Variants in RMST observed in about 807,000 individuals in gnomAD.
RMST encodes rhabdomyosarcoma 2 associated transcript, also known as long intergenic non-protein coding RNA 54.
rs952398392 is a variant in RMST, at chr12:97,464,642, A to G, written n.585-1026A>G. ...TTTGGCTTTCACACCAGTGGAGATG[A>G]AAAGAGATCTGAACTCATTTATCGG... On this transcript the variant is annotated intron_variant and non_coding_transcript_variant, in intron 4 of 13. Transcript: ENST00000640149. 3.3e-5 allele frequency among the ~76,000 whole-genome samples: 5 copies of G among 152,172 alleles called. 1 individual carries two copies. Among genetic ancestry groups the G allele is most frequent in the African/African-American group, 1.2e-4 (5 of 41,446 alleles).
At chr12:97,505,037 C>T (rs1241740105) in intron 10 of RMST, among the ~76,000 whole-genome samples, 1 of 152,122 alleles carries the variant, frequency 6.6e-6, no homozygotes, top group Non-Finnish European at 1.5e-5. Flanking sequence ...TTTCACTTTG[C>T]TAGTCATGGC....
chr12:97,544,085 A>G (rs1388385347), intron 11 of RMST, among the ~76,000 whole-genome samples: 1 of 152,036 alleles, frequency 6.6e-6, no homozygotes, highest in Non-Finnish European at 1.5e-5. Flanking sequence ...AAAAAGAAAG[A>G]AGAGGAGACT....
rs112873504 is a variant in RMST, at chr12:97,500,355, C to T, written n.1340+4299C>T. On this transcript the variant is annotated intron_variant and non_coding_transcript_variant, in intron 10 of 13. Transcript: ENST00000640149. ...TGAATCAGTCATGGATTTCAGTCCA[C>T]GATTCATGGACTGAAATCAGGAAGC... Among the ~76,000 whole-genome samples, 1,356 of 152,128 alleles carry T rather than the reference C, an allele frequency of 8.9e-3. 17 individuals carry two copies. The highest frequency in any genetic ancestry group is 0.031 in the African/African-American group (1,283 of 41,508).
chr12:97,475,589 T>TTTG (rs1874453202), intron 5 of RMST, among the ~76,000 whole-genome samples: 1 of 141,182 alleles, frequency 7.1e-6, no homozygotes, highest in African/African-American at 2.5e-5. Flanking sequence ...TTTTTTTTGT[T>TTTG]TTTTTTTTTT....
At chr12:97,540,954 A>G (rs923803358) in intron 11 of RMST, among the ~76,000 whole-genome samples, 2 of 101,814 alleles carry the variant, frequency 2.0e-5, no homozygotes, top group African/African-American at 7.3e-5. Flanking sequence ...AGATATAGAT[A>G]TAGATATAGA....
At chr12:97,521,097 G>T (rs971580740) in intron 10 of RMST, among the ~76,000 whole-genome samples, 8 of 152,308 alleles carry the variant, frequency 5.3e-5, no homozygotes, top group African/African-American at 1.9e-4. Context: ...GATATTGTTT[G>T]CTTACCCACC....
chr12:97,477,165 G>A (rs1204493427), intron 5 of RMST, among the ~76,000 whole-genome samples: 1 of 152,190 alleles, frequency 6.6e-6, no homozygotes, highest in African/African-American at 2.4e-5. Flanking sequence ...AAGAGACATA[G>A]TGCATGGGGC....
chr12:97,531,358 T>C (rs770074823), intron 11 of RMST, among the ~76,000 whole-genome samples: 5 of 152,034 alleles, frequency 3.3e-5, no homozygotes, highest in Non-Finnish European at 5.9e-5. Flanking sequence ...CACAACATAA[T>C]TGGGGCTTTT....
At chr12:97,502,409 C>T (rs1424474320) in intron 10 of RMST, among the ~76,000 whole-genome samples, 1 of 152,130 alleles carries the variant, frequency 6.6e-6, no homozygotes, top group Non-Finnish European at 1.5e-5. Context: ...GAAGTTTCCA[C>T]CTTGGTTGTG....
chr12:97,532,901 T>G (rs1881785087), intron 11 of RMST: 1 of 151,776 alleles, frequency 6.6e-6, no homozygotes, highest in South Asian at 2.1e-4. Flanking sequence ...GTTAGGGTGA[T>G]TAACCCTTCT....
At chr12:97,524,605 A>G (rs986858536) in intron 10 of RMST, among the ~76,000 whole-genome samples, 1 of 152,014 alleles carries the variant, frequency 6.6e-6, no homozygotes, top group Non-Finnish European at 1.5e-5. Flanking sequence ...ACTATCATCT[A>G]CCTCCTGAGT....
At chr12:97,546,823 A>G (rs1047556214) in intron 11 of RMST, among the ~76,000 whole-genome samples, 4 of 152,056 alleles carry the variant, frequency 2.6e-5, no homozygotes, top group Non-Finnish European at 5.9e-5. Flanking sequence ...GAGAACACTT[A>G]AAATCTACTC....
At chr12:97,517,156 A>G (rs1281097841) in intron 10 of RMST, among the ~76,000 whole-genome samples, 1 of 152,014 alleles carries the variant, frequency 6.6e-6, no homozygotes, top group Non-Finnish European at 1.5e-5. Context: ...GTAACATAAA[A>G]GTCAATACAT....
chr12:97,495,115 A>G (rs1877245030), intron 9 of RMST, among the ~76,000 whole-genome samples: 2 of 151,772 alleles, frequency 1.3e-5, no homozygotes, highest in Non-Finnish European at 2.9e-5. Flanking sequence ...GAAAAATATA[A>G]CTCAGTACAC....
chr12:97,470,867 A>G (rs1387966363), intron 5 of RMST, among the ~76,000 whole-genome samples: 1 of 152,082 alleles, frequency 6.6e-6, no homozygotes, highest in Non-Finnish European at 1.5e-5. Context: ...TTCCTTAACC[A>G]TCATAAAGTT....
chr12:97,469,947 C>T (rs1372799709), intron 5 of RMST, among the ~76,000 whole-genome samples: 1 of 152,148 alleles, frequency 6.6e-6, no homozygotes, highest in Non-Finnish European at 1.5e-5. Flanking sequence ...TTCAGTCCTT[C>T]TTTCCAACTG....
Position 97,510,670 on chromosome 12 carries a change from T to C in RMST, n.1340+14614T>C, listed in dbSNP as rs139407385. The stretch of plus-strand genomic sequence containing the variant: ...TAGTCAAAGTTGCCATAATCTTTGA[T>C]CACATAGGGAGTTACTTCTTGGTTA... On this transcript the variant is annotated intron_variant and non_coding_transcript_variant, in intron 10 of 13. Transcript: ENST00000640149. Among the ~76,000 whole-genome samples, 320 of 152,306 alleles carry C rather than the reference T, an allele frequency of 2.1e-3. 2 individuals carry two copies. The highest frequency in any genetic ancestry group is 7.1e-3 in the African/African-American group (296 of 41,562).
chr12:97,551,466 A>G (rs1040991405), intron 11 of RMST, among the ~76,000 whole-genome samples: 1 of 152,202 alleles, frequency 6.6e-6, no homozygotes, highest in Non-Finnish European at 1.5e-5. Flanking sequence ...TGATGTGGTA[A>G]TAATGATCAA....
At chr12:97,488,595 G>T (rs997265108) in intron 5 of RMST, among the ~76,000 whole-genome samples, 5 of 152,136 alleles carry the variant, frequency 3.3e-5, no homozygotes, top group African/African-American at 4.8e-5. Flanking sequence ...CTCAAGTTGC[G>T]TGGTGGCCCA....
Sources: allele counts gnomAD v4.1 joint callset (sites outside exome capture counted in the v4.1 genomes callset), GRCh38; gene constraint gnomAD v4.1.1; transcripts MANE v1.5; gene names NCBI Gene and HGNC (gene_info 2026-07-23, HGNC 2026-07-21).